Variants in PDE3B observed in about 807,000 individuals in gnomAD.
PDE3B encodes phosphodiesterase 3B, also known as cGMP-inhibited 3',5'-cyclic phosphodiesterase 3B.
A neutral mutation model predicts 116.8 loss-of-function variants in PDE3B; 66 were observed. That is an observed-to-expected ratio of 0.56 (90% confidence interval 0.46 to 0.69). The LOEUF is 0.69. Ranked by LOEUF, PDE3B falls within the 30% of genes least tolerant of loss-of-function variation. The probability of loss-of-function intolerance (pLI) is 0.00; values close to 1 mark genes in which losing one functional copy is unlikely to be tolerated. For synonymous variants in PDE3B, 595 were observed against 533.6 expected, an observed-to-expected ratio of 1.12 and a Z score of -1.59; for missense variants, 1,384 against 1,368.1, an observed-to-expected ratio of 1.01 and a Z score of -0.18.
intron 5 of PDE3B, among the ~76,000 whole-genome samples, chr11:14,808,320 G>A (rs749764725): frequency 2.0e-5 from 3 of 152,132 alleles, no homozygotes; most frequent in Non-Finnish European, 4.4e-5. Flanking sequence ...TGGTGTTGGA[G>A]GGATCTGATA....
At chr11:14,783,585 A>T (rs541886640) in intron 2 of PDE3B, among the ~76,000 whole-genome samples, 2 of 152,228 alleles carry the variant, frequency 1.3e-5, no homozygotes, top group South Asian at 4.1e-4. Context: ...CAGGAAGGGG[A>T]ACATCACACA....
At chr11:14,681,060 C>T (rs1565089274) in intron 1 of PDE3B, among the ~76,000 whole-genome samples, 1 of 152,070 alleles carries the variant, frequency 6.6e-6, no homozygotes, top group Non-Finnish European at 1.5e-5. Flanking sequence ...CCAGTCAAAA[C>T]CAGACTTTCA....
chr11:14,878,282 A>C, the PDE3B span: 1 of 1,613,012 alleles, frequency 6.2e-7, no homozygotes, highest in Non-Finnish European at 8.5e-7. Flanking sequence ...GTGTTCTCCA[A>C]GACAATGTCT....
chr11:14,707,411 C>T (rs1179673754), intron 1 of PDE3B, among the ~76,000 whole-genome samples: 1 of 151,890 alleles, frequency 6.6e-6, no homozygotes. Flanking sequence ...CTATCTTTCA[C>T]AGATAGCCTT....
chr11:14,785,982 C>A (rs1858179362), intron 2 of PDE3B, among the ~76,000 whole-genome samples: 1 of 152,004 alleles, frequency 6.6e-6, no homozygotes, highest in East Asian at 1.9e-4. Flanking sequence ...CCTGATTTTA[C>A]ATTGAAGAAA....
At chr11:14,880,058 G>C in the PDE3B span, 1 of 1,461,980 alleles carries the variant, frequency 6.8e-7, no homozygotes, top group East Asian at 2.3e-5. Flanking sequence ...AAAATGTATT[G>C]TGCATGGCCA....
At chr11:14,716,105 T>A (rs1357947479) in intron 1 of PDE3B, among the ~76,000 whole-genome samples, 10 of 152,118 alleles carry the variant, frequency 6.6e-5, no homozygotes, top group African/African-American at 2.4e-4. Context: ...TTGCCTCACC[T>A]GGGAAGCGCA....
chr11:14,847,490 CA>C (rs1403060875), intron 12 of PDE3B, among the ~76,000 whole-genome samples: 1 of 151,022 alleles, frequency 6.6e-6, no homozygotes, highest in Non-Finnish European at 1.5e-5. Context: ...TAACTAAAAT[CA>C]GAGCAGAACT....
chr11:14,823,142 CTT>C (rs1381639628), intron 7 of PDE3B, among the ~76,000 whole-genome samples: 1 of 152,226 alleles, frequency 6.6e-6, no homozygotes, highest in Non-Finnish European at 1.5e-5. Context: ...AGGCCGCCAT[CTT>C]TGCTGTTTCA....
the PDE3B span, among the ~76,000 whole-genome samples, chr11:14,884,768 T>G: frequency 6.6e-6 from 1 of 152,190 alleles, no homozygotes; most frequent in South Asian, 2.1e-4. Flanking sequence ...AGTTGAATGC[T>G]TTATGATAAA....
chr11:14,873,480 T>C (rs1324340571), downstream of PDE3B, among the ~76,000 whole-genome samples: 1 of 152,136 alleles, frequency 6.6e-6, no homozygotes, highest in Non-Finnish European at 1.5e-5. Flanking sequence ...AGAGTTGGTA[T>C]GGGGGTAAGA....
intron 1 of PDE3B, among the ~76,000 whole-genome samples, chr11:14,749,146 C>G (rs1856990932): frequency 6.6e-6 from 1 of 152,144 alleles, no homozygotes; most frequent in Admixed American, 6.5e-5. Context: ...GCCTCGGCTT[C>G]CCAAAGTGCT....
intron 1 of PDE3B, among the ~76,000 whole-genome samples, chr11:14,738,641 ATTGCTTT>A (rs1199371742): frequency 1.3e-5 from 2 of 152,136 alleles, no homozygotes; most frequent in Non-Finnish European, 2.9e-5. Context: ...TTTTGTTGCC[ATTGCTTT>A]TTGTATTTTA....
the PDE3B span, among the ~76,000 whole-genome samples, chr11:14,881,341 T>A: frequency 6.6e-6 from 1 of 152,078 alleles, no homozygotes; most frequent in South Asian, 2.1e-4. Context: ...AAGCTCAAAC[T>A]TTTCTAATGC....
At chr11:14,754,550 C>T (rs188902803) in intron 1 of PDE3B, among the ~76,000 whole-genome samples, 1 of 152,232 alleles carries the variant, frequency 6.6e-6, no homozygotes, top group African/African-American at 2.4e-5. Context: ...TGTGAGCATG[C>T]ATTCCTCAAT....
At chr11:14,847,385 G>A (rs1213837550) in intron 12 of PDE3B, among the ~76,000 whole-genome samples, 1 of 151,446 alleles carries the variant, frequency 6.6e-6, no homozygotes, top group Admixed American at 6.6e-5. Context: ...ACAAGAGAAA[G>A]CAGGAAAGAT....
At chr11:14,695,152 C>T (rs979847015) in intron 1 of PDE3B, among the ~76,000 whole-genome samples, 13 of 152,194 alleles carry the variant, frequency 8.5e-5, no homozygotes, top group Admixed American at 8.5e-4. Flanking sequence ...ATTTCCATTT[C>T]TATTTTATGA....
At chr11:14,798,247 A>T (rs144460756) in intron 4 of PDE3B, among the ~76,000 whole-genome samples, 3,447 of 152,254 alleles carry the variant, frequency 0.023, 64 homozygotes, top group Non-Finnish European at 0.038. Context: ...TGATTTGTGT[A>T]TGTTGAACCA....
chr11:14,770,207 T>A (rs1857599708), intron 1 of PDE3B, among the ~76,000 whole-genome samples: 1 of 151,378 alleles, frequency 6.6e-6, no homozygotes, highest in African/African-American at 2.4e-5. Flanking sequence ...TTTAGTGATA[T>A]ATCGTATGGC....
Sources: gnomAD v4.1 joint callset for allele counts (sites outside exome capture counted in the v4.1 genomes callset) on GRCh38, gnomAD v4.1.1 for gene constraint, MANE v1.5 for transcripts, NCBI Gene and HGNC (gene_info 2026-07-23, HGNC 2026-07-21) for gene names.